Variants in UGT1A4 observed in about 807,000 individuals in gnomAD.
UGT1A4 encodes the protein UDP-glucuronosyltransferase 1A4.
Under a neutral mutation model 41.1 loss-of-function variants are expected in UGT1A4, and 32 were observed. The ratio of observed to expected loss-of-function variants is 0.78; its 90% CI spans 0.59 to 1.05. The LOEUF (loss-of-function observed/expected upper bound fraction) is 1.05, where lower values mean the gene tolerates loss of function less well. Among genes scored for constraint, UGT1A4 ranks in the 50% least tolerant of loss-of-function variants. The pLI, the probability that UGT1A4 is intolerant of heterozygous loss-of-function variation, is 0.00. For missense variants in UGT1A4, 748 were observed against 677.4 expected (o/e 1.10, Z -1.16); for synonymous variants, 283 against 265.1 (o/e 1.07, Z -0.66).
At chr2:233,764,706 G>C (rs1698626413) in intron 1 of UGT1A4, among the ~76,000 whole-genome samples, 1 of 152,180 alleles carries the variant, frequency 6.6e-6, no homozygotes, top group Non-Finnish European at 1.5e-5. Context: ...AATGAGCTGT[G>C]TCTCCCCAAG....
rs192671736 is a variant in UGT1A4, at chr2:233,743,440, G to T, written c.868-23594G>T. 5.4e-5 allele frequency: 74 copies of T among 1,361,822 alleles called. 1 individual carries two copies. The African/African-American group carries it at 9.7e-4, about 18-fold the overall frequency. The allele number at this position is 1,361,822 out of a possible 1,614,324, so 84.4% of individuals were successfully genotyped here. A position where few individuals can be genotyped will look rare whatever the true frequency, so the allele number is the denominator to read the frequency against. Reference sequence around the variant, plus strand: ...CAGGGAGCCAAAGGAACGAAATCCTGTATCAAAAGAAGAAAAAACACCCCC... The same window carrying T: ...CAGGGAGCCAAAGGAACGAAATCCTTTATCAAAAGAAGAAAAAACACCCCC... On this transcript the variant is annotated intron_variant, in intron 1 of 4. Transcript: ENST00000373409.
At chr2:233,740,062 C>A (rs6740653) in intron 1 of UGT1A4, among the ~76,000 whole-genome samples, 5,128 of 151,886 alleles carry the variant, frequency 0.034, 157 homozygotes, top group African/African-American at 0.051. Context: ...TACTCACAAG[C>A]TTTTCCTCTC....
intron 1 of UGT1A4, among the ~76,000 whole-genome samples, chr2:233,722,756 G>T (rs2077034440): frequency 6.6e-6 from 1 of 151,434 alleles, no homozygotes; most frequent in African/African-American, 2.4e-5. Context: ...TGTCTATAAG[G>T]CTGTTACCTA....
intron 1 of UGT1A4, chr2:233,747,692 G>A: frequency 6.2e-7 from 1 of 1,611,132 alleles, no homozygotes; most frequent in Non-Finnish European, 8.5e-7. Context: ...GTGGGGCAGT[G>A]CTGGCTAAGT....
intron 1 of UGT1A4, chr2:233,761,173 T>G (rs771182197): frequency 9.9e-6 from 16 of 1,614,128 alleles, no homozygotes; most frequent in Middle Eastern, 3.3e-4. Context: ...AGTGGGACTT[T>G]TACATGCGTA....
rs139927449 is a variant in UGT1A4, at chr2:233,718,873, T to C, written c.53T>C (p.Leu18Pro). 3.7e-6 allele frequency: 6 copies of C among 1,613,914 alleles called. No homozygotes were observed. In the South Asian group the frequency reaches 6.6e-5, roughly 18 times the overall value. Residue 18 changes from leucine (L) to proline (P), a missense_variant, in exon 1 of 5, where the codon CTC becomes CCC. Leu to Pro is a moderately conservative substitution (Grantham distance 98). Transcript: ENST00000373409. ...PLPRLATGLL[L>P]LLSVQPWAES... Reference sequence around the variant, plus strand: ...CCGCGGCTGGCCACAGGACTGCTGCTCCTCCTCAGTGTCCAGCCCTGGGCT... The same window carrying C: ...CCGCGGCTGGCCACAGGACTGCTGCCCCTCCTCAGTGTCCAGCCCTGGGCT...
intron 1 of UGT1A4, among the ~76,000 whole-genome samples, chr2:233,725,221 A>G: frequency 1.1e-5 from 1 of 87,460 alleles, no homozygotes; most frequent in African/African-American, 8.3e-5. Context: ...GAGGCAGAGG[A>G]GGCAGAGGCA....
intron 1 of UGT1A4, among the ~76,000 whole-genome samples, chr2:233,724,194 C>T (rs1375067088): frequency 3.2e-5 from 4 of 125,876 alleles, no homozygotes; most frequent in Non-Finnish European, 4.9e-5. Context: ...GACGGGGTGG[C>T]TGGCCGGGCT....
chr2:233,726,059 A>G (rs2077496716), intron 1 of UGT1A4, among the ~76,000 whole-genome samples: 1 of 152,080 alleles, frequency 6.6e-6, no homozygotes, highest in East Asian at 1.9e-4. Context: ...CCAGCTACTC[A>G]GGAGGCTGAG....
chr2:233,739,861 AT>A (rs1559383666), intron 1 of UGT1A4, among the ~76,000 whole-genome samples: 1 of 151,974 alleles, frequency 6.6e-6, no homozygotes, highest in African/African-American at 2.4e-5. Context: ...AGAGGGCAGA[AT>A]GATATGATTT....
Position 233,743,999 on chromosome 2 carries a change from G to A in UGT1A4, c.868-23035G>A, listed in dbSNP as rs981482683. On this transcript the variant is annotated intron_variant, in intron 1 of 4. Coordinates refer to ENST00000373409, the MANE Select transcript of UGT1A4 (RefSeq NM_007120.3). The stretch of plus-strand genomic sequence containing the variant: ...CACCCAGGCGCAGGCCCGAGTGCTC[G>A]GAGACCTGGGCCGCCTGGAGAGACG... The A allele has an allele frequency of 1.1e-4, 135 of 1,220,038 alleles. 4 individuals carry two copies. The African/African-American group carries it at 1.5e-3, about 14-fold the overall frequency. The allele number at this position is 1,220,038 out of a possible 1,614,324, so 75.6% of individuals were successfully genotyped here. A position where few individuals can be genotyped will look rare whatever the true frequency, so the allele number is the denominator to read the frequency against.
At chr2:233,725,697 GTAGT>G (rs2077468291) in intron 1 of UGT1A4, among the ~76,000 whole-genome samples, 1 of 152,126 alleles carries the variant, frequency 6.6e-6, no homozygotes, top group South Asian at 2.1e-4. Flanking sequence ...ATAGTCATAT[GTAGT>G]TAGTGACTAC....
At chr2:233,767,361 T>C (rs990880937) in intron 2 of UGT1A4, among the ~76,000 whole-genome samples, 196 bp downstream of exon 2, 19 of 152,222 alleles carry the variant, frequency 1.2e-4, no homozygotes, top group African/African-American at 3.6e-4. Flanking sequence ...TCAAATACTC[T>C]ATTAAACTAT....
At chr2:233,754,678 C>A (rs1419838969) in intron 1 of UGT1A4, 1 of 475,568 alleles carries the variant, frequency 2.1e-6, no homozygotes, top group Non-Finnish European at 4.1e-6. Context: ...TTTTTACCAT[C>A]AACTATTTCA....
chr2:233,722,779 T>A (rs1468738434), intron 1 of UGT1A4, among the ~76,000 whole-genome samples: 1 of 152,134 alleles, frequency 6.6e-6, no homozygotes, highest in Non-Finnish European at 1.5e-5. Flanking sequence ...TCTGATATTG[T>A]TAATAATTTT....
Position 233,745,964 on chromosome 2 carries a change from C to T in UGT1A4, c.868-21070C>T, listed in dbSNP as rs543022659. Among the ~76,000 whole-genome samples, 31 of 151,710 alleles carry T rather than the reference C, an allele frequency of 2.0e-4. No homozygotes were observed. In the South Asian group the frequency reaches 6.4e-3, roughly 32 times the overall value. The stretch of plus-strand genomic sequence containing the variant: ...GGGTTGGGCAACTGGGGGACAGGGG[C>T]CCTGAAATGGGACCATGACAGCTGG... On this transcript the variant is annotated intron_variant, in intron 1 of 4. Transcript: ENST00000373409.
At chr2:233,760,770 C>T in intron 1 of UGT1A4, 2 of 1,614,054 alleles carry the variant, frequency 1.2e-6, no homozygotes, top group Non-Finnish European at 1.7e-6. Context: ...CCATCGTGGC[C>T]CAGTACCTGT....
intron 1 of UGT1A4, among the ~76,000 whole-genome samples, chr2:233,724,643 C>T (rs1474799559): frequency 2.1e-5 from 3 of 141,252 alleles, no homozygotes; most frequent in Non-Finnish European, 3.1e-5. Flanking sequence ...GATGTGATGG[C>T]GGCTGGGAAG....
At position 233,747,384 on chromosome 2, in the gene UGT1A4, G is replaced by A. The variant is rs1693657015; in HGVS notation, c.868-19650G>A. The A allele has an allele frequency of 7.5e-6, 12 of 1,605,260 alleles. No individual in the cohort carries two copies. In the South Asian group the frequency reaches 1.2e-4, roughly 16 times the overall value. ...GGAGCTCCATGCCAGAGGCCACCAGGCGGTGGTCCTCACCCCAGAGGTGAA... is the reference window on the plus strand; with the variant it reads ...GGAGCTCCATGCCAGAGGCCACCAGACGGTGGTCCTCACCCCAGAGGTGAA... On this transcript the variant is annotated intron_variant, in intron 1 of 4. Transcript: ENST00000373409.
Sources: gnomAD v4.1 joint callset for allele counts (sites outside exome capture counted in the v4.1 genomes callset) on GRCh38, gnomAD v4.1.1 for gene constraint, MANE v1.5 for transcripts, NCBI Gene and HGNC (gene_info 2026-07-23, HGNC 2026-07-21) for gene names.